Variants in AKAP3 observed in about 807,000 individuals in gnomAD.
AKAP3 encodes A-kinase anchoring protein 3.
Under a neutral mutation model 57.2 loss-of-function variants are expected in AKAP3, and 27 were observed. That is an observed-to-expected ratio of 0.47 (90% confidence interval 0.35 to 0.65). The LOEUF is 0.65. AKAP3 is among the 30% of genes least tolerant of loss of function. AKAP3 has a pLI of 0.01. For missense variants in AKAP3, 959 were observed against 1,040.0 expected (o/e 0.92, Z 1.07); for synonymous variants, 334 against 392.3 (o/e 0.85, Z 1.76).
intron 4 of AKAP3, among the ~76,000 whole-genome samples, chr12:4,630,449 G>A (rs186848524): frequency 2.0e-5 from 3 of 150,992 alleles, no homozygotes; most frequent in Non-Finnish European, 2.9e-5. Context: ...ATCCTGCTGT[G>A]CTTTGATTAC....
intron 4 of AKAP3, chr12:4,631,357 A>G: frequency 1.4e-6 from 1 of 701,378 alleles, no homozygotes; most frequent in Non-Finnish European, 2.6e-6. Flanking sequence ...ACATGGAAGG[A>G]GAAGTGCTCC....
chr12:4,627,241 G>A lies in AKAP3; in HGVS notation c.1661C>T (p.Ala554Val). ...RRDARSFVEA[A>V]GTTNFPANEP... ...ATTGGCAGGAAAGTTGGTGGTGCCAGCAGCTTCAACGAAGCTCCGTGCATC... is the reference window on the plus strand; with the variant it reads ...ATTGGCAGGAAAGTTGGTGGTGCCAACAGCTTCAACGAAGCTCCGTGCATC... Residue 554 changes from alanine (A) to valine (V), a missense_variant, in exon 5 of 6, where the codon GCT becomes GTT. Transcript: ENST00000228850. 1 of 1,614,122 alleles carries A rather than the reference G, an allele frequency of 6.2e-7. No homozygotes were observed. The highest frequency in any genetic ancestry group is 1.3e-5 in the African/African-American group (1 of 75,050).
At chr12:4,646,846 G>A (rs78227218) in intron 1 of AKAP3, among the ~76,000 whole-genome samples, 11,684 of 151,708 alleles carry the variant, frequency 0.077, 789 homozygotes, top group East Asian at 0.28. Context: ...ACAGTGGCAC[G>A]ATCTCGGCTC....
chr12:4,635,609 A>T, intron 4 of AKAP3: 1 of 740,090 alleles, frequency 1.4e-6, no homozygotes, highest in Non-Finnish European at 2.5e-6. Context: ...TAAAGCTATT[A>T]CAATATCAGG....
chr12:4,624,537 G>A (rs1646701554), intron 5 of AKAP3, among the ~76,000 whole-genome samples: 1 of 152,012 alleles, frequency 6.6e-6, no homozygotes, highest in Non-Finnish European at 1.5e-5. Context: ...AAATACAAAT[G>A]TATTTAAAGA....
In AKAP3 at chr12:4,627,688, G is replaced by A. The variant is rs1353311800; in HGVS notation, c.1214C>T (p.Ser405Phe). 6.2e-7 allele frequency: 1 copy of A among 1,614,068 alleles called. No individual in the cohort carries two copies. The highest frequency in any genetic ancestry group is 1.1e-5 in the South Asian group (1 of 91,076). ...ACCCATTCCTTTCATGGAGATGAGGGAATAACTCTCAGCCTTGTCTTGGGC... is the reference window on the plus strand; with the variant it reads ...ACCCATTCCTTTCATGGAGATGAGGAAATAACTCTCAGCCTTGTCTTGGGC... ...RKAQDKAESY[S>F]LISMKGMGDP... The change falls in exon 5 of 6, where the codon TCC becomes TTC. Residue 405 changes from serine to phenylalanine, a missense_variant. Transcript: ENST00000228850.
chr12:4,620,732 T>G (rs968391903), intron 5 of AKAP3, among the ~76,000 whole-genome samples: 1 of 152,072 alleles, frequency 6.6e-6, no homozygotes, highest in Non-Finnish European at 1.5e-5. Context: ...ACTCACTTGT[T>G]TGGGGGGATG....
chr12:4,626,989 G>C lies in AKAP3; in HGVS notation c.1913C>G (p.Pro638Arg), dbSNP rs532862833. 5.0e-6 allele frequency: 8 copies of C among 1,614,070 alleles called. No individual in the cohort carries two copies. The highest frequency in any genetic ancestry group is 1.7e-4 in the Middle Eastern group (1 of 6,060). The change falls in exon 5 of 6, where the codon CCC (proline) becomes CGC (arginine). Residue 638 changes from proline (P) to arginine (R), a missense_variant. Transcript: ENST00000228850. ...GGTCTCATCATCCTCATATAGCCTG[G>C]GGGGAGAAGACGCCAACGGTCTTTC... ...LCERPLASSPPRLYEDDETPG... is the reference protein window; with the variant it reads ...LCERPLASSPRRLYEDDETPG...
chr12:4,617,353 A>G (rs192450735), intron 5 of AKAP3, among the ~76,000 whole-genome samples: 47 of 152,390 alleles, frequency 3.1e-4, no homozygotes, highest in African/African-American at 1.1e-3. Context: ...AGAGAGAAGG[A>G]CGATGATATC....
At position 4,628,788 on chromosome 12, in the gene AKAP3, A is replaced by C. The variant is rs1945462390; in HGVS notation, c.114T>G (p.Pro38=). 1 of 1,607,216 alleles carries C rather than the reference A, an allele frequency of 6.2e-7. No individual in the cohort carries two copies. The highest frequency in any genetic ancestry group is 1.7e-5 in the Admixed American group (1 of 59,848). ...TGCGGAGCCAGCTGAGCACTCTGAC[A>C]GGATCCGTGGAGGTGTCCTTAAAAA... ...QDWKMDTSTD[P]VRVLSWLRRD... Residue 38 remains proline (P), a synonymous_variant, in exon 5 of 6, where the codon CCT becomes CCG. Transcript: ENST00000228850.
At chr12:4,632,945 T>A (rs1036779995) in intron 4 of AKAP3, among the ~76,000 whole-genome samples, 2 of 152,136 alleles carry the variant, frequency 1.3e-5, no homozygotes, top group African/African-American at 4.8e-5. Flanking sequence ...CGGCCCCCTT[T>A]GCCCACTTTT....
chr12:4,640,080 T>C (rs1203174569), intron 3 of AKAP3, among the ~76,000 whole-genome samples: 1 of 152,186 alleles, frequency 6.6e-6, no homozygotes, highest in Non-Finnish European at 1.5e-5. Context: ...CCTCCCAAAG[T>C]GCTGGGATTA....
At chr12:4,647,308 A>G (rs1408842769) in intron 1 of AKAP3, among the ~76,000 whole-genome samples, 1 of 152,014 alleles carries the variant, frequency 6.6e-6, no homozygotes, top group Non-Finnish European at 1.5e-5. Flanking sequence ...ACAAGTGTAG[A>G]AACTTGTCCA....
intron 5 of AKAP3, among the ~76,000 whole-genome samples, chr12:4,624,315 ACG>A (rs71710022): frequency 0.037 from 5,339 of 146,220 alleles, 347 homozygotes; most frequent in East Asian, 0.26. Flanking sequence ...TTGTGACTTT[ACG>A]TGTGTGTGTG....
intron 1 of AKAP3, chr12:4,645,863 T>C (rs1473390862): frequency 6.6e-6 from 1 of 152,126 alleles, no homozygotes; most frequent in African/African-American, 2.4e-5. Context: ...TGGATTCCAC[T>C]TAAAGCAGCA....
chr12:4,635,026 TG>T lies in AKAP3; in HGVS notation c.96+3074del, dbSNP rs1039983956. ...TGACTACTGCACCAGTGTGGAGAAATGGGCTGGTTAACTGTGTGGGTCCAGA... is the reference window on the plus strand; with the variant it reads ...TGACTACTGCACCAGTGTGGAGAAATGGCTGGTTAACTGTGTGGGTCCAGA... On this transcript the variant is annotated intron_variant, in intron 4 of 5. Transcript: ENST00000228850. Among the ~76,000 whole-genome samples, 7 of 152,212 alleles carry T rather than the reference TG, an allele frequency of 4.6e-5. No homozygotes were observed. The South Asian group carries it at 8.3e-4, about 18-fold the overall frequency.
intron 5 of AKAP3, among the ~76,000 whole-genome samples, chr12:4,618,188 A>C (rs1395704770): frequency 6.6e-6 from 1 of 152,220 alleles, no homozygotes; most frequent in Non-Finnish European, 1.5e-5. Context: ...CAAATGTCAG[A>C]ATGGACAAAA....
intron 5 of AKAP3, among the ~76,000 whole-genome samples, chr12:4,616,450 C>T (rs929781892): frequency 1.3e-5 from 2 of 152,168 alleles, no homozygotes; most frequent in Admixed American, 6.5e-5. Context: ...ATAAATACAA[C>T]GCTGTCATTT....
chr12:4,624,706 G>A (rs370861078), intron 5 of AKAP3, among the ~76,000 whole-genome samples: 6 of 151,292 alleles, frequency 4.0e-5, no homozygotes, highest in South Asian at 4.2e-4. Flanking sequence ...TATTCAGTGC[G>A]TCTATTTATT....
Sources: gnomAD v4.1 joint callset for allele counts (sites outside exome capture counted in the v4.1 genomes callset) on GRCh38, gnomAD v4.1.1 for gene constraint, MANE v1.5 for transcripts, NCBI Gene and HGNC (gene_info 2026-07-23, HGNC 2026-07-21) for gene names.